The following SETBP1 variants were observed in gnomAD, a reference collection of about 807,000 sequenced individuals.
The protein encoded by SETBP1 is SET binding protein 1, also known as SET-binding protein.
Under a neutral mutation model 101.0 loss-of-function variants are expected in SETBP1, and 9 were observed. The observed-to-expected ratio is 0.09, with a 90% CI of 0.05 to 0.16. The LOEUF is 0.16. Among genes scored for constraint, SETBP1 ranks in the 10% least tolerant of loss-of-function variants. SETBP1 has a pLI of 1.00. For synonymous variants in SETBP1, 818 were observed against 788.5 expected (o/e 1.04, Z -0.63); for missense variants, 1,858 against 2,033.8 (o/e 0.91, Z 1.66).
intron 2 of SETBP1, among the ~76,000 whole-genome samples, chr18:44,867,129 A>G (rs1373499577): frequency 6.6e-6 from 1 of 152,252 alleles, no homozygotes; most frequent in Non-Finnish European, 1.5e-5. Flanking sequence ...CAATTTTCCC[A>G]TCAGTAAAGA....
intron 2 of SETBP1, among the ~76,000 whole-genome samples, chr18:44,707,654 C>T (rs1462706747): frequency 6.6e-6 from 1 of 152,190 alleles, no homozygotes; most frequent in Non-Finnish European, 1.5e-5. Context: ...GCACTTATTT[C>T]CTCCTTACAC....
chr18:44,837,500 C>T (rs1477608127), intron 2 of SETBP1, among the ~76,000 whole-genome samples: 2 of 152,172 alleles, frequency 1.3e-5, no homozygotes, highest in African/African-American at 4.8e-5. Flanking sequence ...ATTGAATGTT[C>T]TAGTCCCGCA....
chr18:45,018,477 G>A (rs987938412), intron 4 of SETBP1, among the ~76,000 whole-genome samples: 12 of 152,162 alleles, frequency 7.9e-5, no homozygotes, highest in African/African-American at 2.4e-4. Flanking sequence ...CTGGGTGGAC[G>A]CTCTTGGAAA....
At chr18:44,758,517 G>A (rs1031671408) in intron 2 of SETBP1, among the ~76,000 whole-genome samples, 1 of 151,944 alleles carries the variant, frequency 6.6e-6, no homozygotes. Context: ...CGAGTAGCTG[G>A]GACTACAGGG....
intron 2 of SETBP1, among the ~76,000 whole-genome samples, chr18:44,726,902 G>A (rs1205833645): frequency 2.0e-5 from 3 of 152,170 alleles, no homozygotes. Flanking sequence ...GGATCAACTG[G>A]GGAGATAAAT....
chr18:45,021,683 C>T (rs1433004935), intron 4 of SETBP1, among the ~76,000 whole-genome samples: 2 of 152,110 alleles, frequency 1.3e-5, no homozygotes, highest in Non-Finnish European at 2.9e-5. Flanking sequence ...TTCACATTTG[C>T]AGAATACATA....
intron 2 of SETBP1, among the ~76,000 whole-genome samples, chr18:44,702,105 C>A (rs1049760141): frequency 6.6e-6 from 1 of 151,938 alleles, no homozygotes; most frequent in East Asian, 1.9e-4. Context: ...ATACTGTATT[C>A]TTTCCAGAAT....
chr18:44,762,137 AC>A (rs2144592585), intron 2 of SETBP1, among the ~76,000 whole-genome samples: 1 of 76,138 alleles, frequency 1.3e-5, no homozygotes, highest in South Asian at 3.5e-4. Flanking sequence ...GCTTCTAAAC[AC>A]TTTTTTTTTT....
chr18:44,972,799 A>G (rs979689431), intron 4 of SETBP1, among the ~76,000 whole-genome samples: 2 of 152,202 alleles, frequency 1.3e-5, no homozygotes, highest in Non-Finnish European at 2.9e-5. Flanking sequence ...GGTTTTCTAC[A>G]TATACAAACA....
At chr18:44,767,956 C>T (rs1032339154) in intron 2 of SETBP1, among the ~76,000 whole-genome samples, 4 of 152,098 alleles carry the variant, frequency 2.6e-5, no homozygotes, top group African/African-American at 4.8e-5. Flanking sequence ...CATTGGAAGC[C>T]CATAGCATCC....
chr18:44,884,277 A>G lies in SETBP1; in HGVS notation c.540+14994A>G, dbSNP rs575859330. 4.6e-5 allele frequency among the ~76,000 whole-genome samples: 7 copies of G among 152,328 alleles called. No individual in the cohort carries two copies. In the South Asian group the frequency reaches 1.4e-3, roughly 32 times the overall value. On this transcript the variant is annotated intron_variant, in intron 3 of 5. Transcript: ENST00000649279. ...TCATGCATGCAATGGAGGGAACAAT[A>G]TTCACCTCATTTGGCATAAGAAGGA... is the stretch of plus-strand genomic sequence containing the variant.
intron 2 of SETBP1, among the ~76,000 whole-genome samples, chr18:44,736,929 ACT>A (rs1220170304): frequency 6.6e-6 from 1 of 151,610 alleles, no homozygotes. Flanking sequence ...CTCTGTGCTC[ACT>A]CTCTCTCTCT....
At chr18:44,748,541 G>C (rs577235410) in intron 2 of SETBP1, among the ~76,000 whole-genome samples, 54 of 152,334 alleles carry the variant, frequency 3.5e-4, no homozygotes, top group Non-Finnish European at 6.8e-4. Flanking sequence ...AGTAGCTCAA[G>C]AGGTCATGCT....
At position 44,951,059 on chromosome 18, in the gene SETBP1, C is replaced by T. The variant is rs754855226; in HGVS notation, c.1719C>T (p.Asn573=). ...CCCCATCCAGCCCTCTCTACACCAA[C>T]ACAGACAGTCTTACTGTGATCACTC... is the stretch of plus-strand genomic sequence containing the variant. ...PITPSSPLYT[N]TDSLTVITPV... Residue 573 remains asparagine (N), a synonymous_variant, in exon 4 of 6, where the codon AAC becomes AAT. Transcript: ENST00000649279. This position sits in a 1 kb window ranked among gnomAD's most constrained non-coding sequence, Gnocchi z 7.8. 6.2e-7 allele frequency: 1 copy of T among 1,614,140 alleles called. No individual in the cohort carries two copies. The highest frequency in any genetic ancestry group is 1.1e-5 in the South Asian group (1 of 91,082).
chr18:44,736,501 C>T (rs911010286), intron 2 of SETBP1, among the ~76,000 whole-genome samples: 1 of 152,204 alleles, frequency 6.6e-6, no homozygotes. Context: ...TGGGAAGATA[C>T]TGTCATCTTG....
intron 2 of SETBP1, among the ~76,000 whole-genome samples, chr18:44,753,269 A>G (rs2070425804): frequency 1.3e-5 from 2 of 152,178 alleles, no homozygotes; most frequent in South Asian, 4.1e-4. Context: ...TCATCACAGA[A>G]GAATGGGGAT....
At chr18:44,870,244 G>A (rs1386119366) in intron 3 of SETBP1, 2 of 152,194 alleles carry the variant, frequency 1.3e-5, no homozygotes, top group Non-Finnish European at 2.9e-5. Context: ...TCACATCCAG[G>A]AGCCCACTGC....
chr18:44,975,631 T>G lies in SETBP1; in HGVS notation c.4000+22291T>G, dbSNP rs80276409. On this transcript the variant is annotated intron_variant, in intron 4 of 5. Coordinates refer to ENST00000649279, the MANE Select transcript of SETBP1 (RefSeq NM_015559.3). Reference sequence around the variant, plus strand: ...AAAAAAGAGTTTGATTATCAGAATATTAAATACTCGAATAAGCAAAAATAT... The same window carrying G: ...AAAAAAGAGTTTGATTATCAGAATAGTAAATACTCGAATAAGCAAAAATAT... Among the ~76,000 whole-genome samples the G allele has an allele frequency of 2.1e-3, 320 of 152,278 alleles. 1 individual carries two copies. Among genetic ancestry groups the G allele is most frequent in the Middle Eastern group, 0.017 (5 of 294 alleles).
At chr18:44,699,473 A>G (rs1159537686) in intron 1 of SETBP1, among the ~76,000 whole-genome samples, 1 of 152,230 alleles carries the variant, frequency 6.6e-6, no homozygotes, top group Non-Finnish European at 1.5e-5. Context: ...AATCTAGATG[A>G]GACAAAAAAT....
Sources: allele counts gnomAD v4.1 joint callset (sites outside exome capture counted in the v4.1 genomes callset), GRCh38; gene constraint gnomAD v4.1.1; non-coding constraint Gnocchi (gnomAD v3.1); transcripts MANE v1.5; gene names NCBI Gene and HGNC (gene_info 2026-07-23, HGNC 2026-07-21).